The following LPAR6 variants were observed in gnomAD, a reference collection of about 807,000 sequenced individuals.
The protein encoded by LPAR6 is lysophosphatidic acid receptor 6.
Under a neutral mutation model 22.0 loss-of-function variants are expected in LPAR6, and 17 were observed. That is an observed-to-expected ratio of 0.77 (90% confidence interval 0.53 to 1.16). LPAR6 has a LOEUF of 1.16. Ranked by LOEUF, LPAR6 falls within the 50% of genes most tolerant of loss-of-function variation. The pLI, the probability that LPAR6 is intolerant of heterozygous loss-of-function variation, is 0.00. For missense variants in LPAR6, 384 were observed against 406.9 expected (o/e 0.94, Z 0.48); for synonymous variants, 136 against 139.8 (o/e 0.97, Z 0.19).
chr13:48,434,043 T>C (rs1949158400), intron 1 of LPAR6, among the ~76,000 whole-genome samples: 1 of 152,040 alleles, frequency 6.6e-6, no homozygotes, highest in Non-Finnish European at 1.5e-5. Context: ...ATTTAAAGGT[T>C]ACAAGAATAT....
At chr13:48,408,358 A>T (rs1273693088), downstream of LPAR6, among the ~76,000 whole-genome samples, 1 of 152,050 alleles carries the variant, frequency 6.6e-6, no homozygotes, top group Non-Finnish European at 1.5e-5. Flanking sequence ...AATTATTAGG[A>T]TGCTGGAAAG....
chr13:48,425,611 A>G (rs78899120), intron 1 of LPAR6, among the ~76,000 whole-genome samples: 3,765 of 152,196 alleles, frequency 0.025, 153 homozygotes, highest in African/African-American at 0.081. Context: ...CCACCTACTC[A>G]GGAGGCAGAG....
Position 48,441,397 on chromosome 13 carries a change from T to G in LPAR6, c.-1474+3156A>C, listed in dbSNP as rs183796267. On this transcript the variant is annotated intron_variant, in intron 1 of 6. Coordinates refer to the LPAR6 transcript ENST00000378434. Reference sequence around the variant, plus strand: ...TGATTTTAAGGCACTAGGGCAAGAATGACCAACGGGTTTCCAAACATATAG... The same window carrying G: ...TGATTTTAAGGCACTAGGGCAAGAAGGACCAACGGGTTTCCAAACATATAG... Among the ~76,000 whole-genome samples, 511 of 152,328 alleles carry G rather than the reference T, an allele frequency of 3.4e-3. 1 individual carries two copies. The highest frequency in any genetic ancestry group is 6.8e-3 in the Middle Eastern group (2 of 294).
At chr13:48,393,410 T>G (rs568472704) in intron 1 of LPAR6, among the ~76,000 whole-genome samples, 5 of 152,250 alleles carry the variant, frequency 3.3e-5, no homozygotes, top group Admixed American at 6.5e-5. Flanking sequence ...CCCCAGGCAG[T>G]AAGCTGTGGC....
At chr13:48,444,119 C>A (rs560699167) in intron 1 of LPAR6, among the ~76,000 whole-genome samples, 12 of 152,250 alleles carry the variant, frequency 7.9e-5, no homozygotes, top group African/African-American at 2.2e-4. Context: ...ACCTCATACC[C>A]CCAGACACCA....
chr13:48,408,306 G>T (rs1948757849), downstream of LPAR6, among the ~76,000 whole-genome samples: 1 of 151,672 alleles, frequency 6.6e-6, no homozygotes, highest in African/African-American at 2.4e-5. Context: ...AATAAACTAG[G>T]TACTTGATAT....
At chr13:48,393,796 A>G (rs903694118) in intron 1 of LPAR6, among the ~76,000 whole-genome samples, 2 of 152,212 alleles carry the variant, frequency 1.3e-5, no homozygotes. Flanking sequence ...TACGTCACAT[A>G]AACATTGAGT....
At position 48,411,822 on chromosome 13, in the gene LPAR6, A is replaced by G; in HGVS notation, c.602T>C (p.Val201Ala). ...VGFFIPLILN[V>A]TCSSMVLKTL... ...TTTTAGCACCATACTAGAACAAGTT[A>G]CATTTAAAATTAGAGGAATAAAAAA... The change falls in exon 1 of 1, where the codon GTA becomes GCA. Residue 201 changes from valine to alanine, a missense_variant. Transcript: ENST00000620633. 1 of 1,612,854 alleles carries G rather than the reference A, an allele frequency of 6.2e-7. No homozygotes were observed. Among genetic ancestry groups the G allele is most frequent in the Non-Finnish European group, 8.5e-7 (1 of 1,178,848 alleles).
chr13:48,391,695 T>C lies in LPAR6; in HGVS notation n.115-1883A>G, dbSNP rs530115742. On this transcript the variant is annotated intron_variant and non_coding_transcript_variant, in intron 1 of 1. Transcript: ENST00000462781. ...GTGCAGTGGCGCGATCTTGGCTCAC[T>C]GCAACCTCCACCTCCTGGGTTCAAG... 2.6e-4 allele frequency among the ~76,000 whole-genome samples: 39 copies of C among 152,258 alleles called. No individual in the cohort carries two copies. In the South Asian group the frequency reaches 3.5e-3, roughly 14 times the overall value.
Position 48,411,746 on chromosome 13 carries a change from C to T in LPAR6, c.678G>A (p.Lys226=). ...AATGTACAAAAATCATTTTTAAAAC[C>T]TTAGTTTTGTTTATTTTGCTTCTAC... is the stretch of plus-strand genomic sequence containing the variant. ...TLSRSKINKT[K]VLKMIFVHLI... Residue 226 remains lysine, a synonymous_variant, in exon 1 of 1, where the codon AAG becomes AAA. Coordinates refer to ENST00000620633, the MANE Select transcript of LPAR6 (RefSeq NM_001162498.3). 6.2e-7 allele frequency: 1 copy of T among 1,609,890 alleles called. No individual in the cohort carries two copies. Among genetic ancestry groups the T allele is most frequent in the Non-Finnish European group, 8.5e-7 (1 of 1,176,494 alleles).
At position 48,423,702 on chromosome 13, in the gene LPAR6, A is replaced by G. The variant is rs181989784; in HGVS notation, c.-1094-912T>C. On this transcript the variant is annotated intron_variant, in intron 1 of 4. Transcript: ENST00000345941. ...CAAAAAGAAAAAAGAAAAAAATCAA[A>G]TGAGAGAGTATGTGAGACTTAAAAC... is the stretch of plus-strand genomic sequence containing the variant. Among the ~76,000 whole-genome samples, 365 of 152,364 alleles carry G rather than the reference A, an allele frequency of 2.4e-3. 2 individuals are homozygous for G. The highest frequency in any genetic ancestry group is 3.6e-3 in the Non-Finnish European group (248 of 68,040).
intron 1 of LPAR6, among the ~76,000 whole-genome samples, chr13:48,393,911 G>A (rs1366255432): frequency 1.3e-5 from 2 of 152,156 alleles, no homozygotes; most frequent in Non-Finnish European, 2.9e-5. Context: ...AGTTACACAA[G>A]TACTTGGCCA....
In LPAR6 at chr13:48,391,868, C is replaced by T. The variant is rs1026433435; in HGVS notation, n.115-2056G>A. On this transcript the variant is annotated intron_variant and non_coding_transcript_variant, in intron 1 of 1. Transcript: ENST00000462781. ...TCCTGACCTCGTGATTTGCCTGCCTCGGCCTCCTCCCAAAGGGCTGGGATT... is the reference window on the plus strand; with the variant it reads ...TCCTGACCTCGTGATTTGCCTGCCTTGGCCTCCTCCCAAAGGGCTGGGATT... 2.1e-4 allele frequency among the ~76,000 whole-genome samples: 32 copies of T among 152,088 alleles called. 1 individual carries two copies. The highest frequency in any genetic ancestry group is 6.0e-4 in the African/African-American group (25 of 41,412).
chr13:48,441,927 T>G (rs1951775), intron 1 of LPAR6, among the ~76,000 whole-genome samples: 85,676 of 152,032 alleles, frequency 0.56, 28,244 homozygotes, highest in Middle Eastern at 0.72. Flanking sequence ...TCACAAATCT[T>G]AGTCATGAGC....
At chr13:48,437,453 G>A (rs1413887876) in intron 1 of LPAR6, among the ~76,000 whole-genome samples, 1 of 152,172 alleles carries the variant, frequency 6.6e-6, no homozygotes, top group African/African-American at 2.4e-5. Flanking sequence ...AATTCTGAAA[G>A]TCGGGAAACT....
At chr13:48,421,634 A>C (rs144040102) in intron 2 of LPAR6, among the ~76,000 whole-genome samples, 4 of 152,278 alleles carry the variant, frequency 2.6e-5, no homozygotes, top group African/African-American at 9.6e-5. Flanking sequence ...AAAGGGCTAA[A>C]GTCCAGAATC....
chr13:48,442,008 G>A (rs1034487506), intron 1 of LPAR6, among the ~76,000 whole-genome samples: 6 of 152,004 alleles, frequency 3.9e-5, no homozygotes, highest in Non-Finnish European at 5.9e-5. Flanking sequence ...TTTTAAACTC[G>A]AATTCACCCT....
chr13:48,443,945 C>T (rs1949262864), intron 1 of LPAR6, among the ~76,000 whole-genome samples: 1 of 152,094 alleles, frequency 6.6e-6, no homozygotes, highest in Admixed American at 6.5e-5. Flanking sequence ...GCTCTCATAC[C>T]ACCACAACAG....
chr13:48,424,255 G>A (rs1414155566), intron 1 of LPAR6: 1 of 152,130 alleles, frequency 6.6e-6, no homozygotes, highest in African/African-American at 2.4e-5. Flanking sequence ...TTCTAGACTA[G>A]TATTACCATA....
Sources: gnomAD v4.1 joint callset for allele counts (sites outside exome capture counted in the v4.1 genomes callset) on GRCh38, gnomAD v4.1.1 for gene constraint, MANE v1.5 for transcripts, NCBI Gene and HGNC (gene_info 2026-07-23, HGNC 2026-07-21) for gene names.